The following SCFD2 variants were observed in gnomAD, a reference collection of about 807,000 sequenced individuals.
SCFD2 encodes sec1 family domain-containing protein 2.
Under a neutral mutation model 58.9 loss-of-function variants are expected in SCFD2, and 54 were observed. That is an observed-to-expected ratio of 0.92 (90% CI 0.74 to 1.15). The LOEUF (loss-of-function observed/expected upper bound fraction) is 1.15. Ranked by LOEUF, SCFD2 falls within the 50% of genes most tolerant of loss-of-function variation. The pLI is 0.00. For missense variants in SCFD2, 805 were observed against 836.6 expected, an observed-to-expected ratio of 0.96 and a Z score of 0.47; for synonymous variants, 321 against 335.9, an observed-to-expected ratio of 0.96 and a Z score of 0.49.
At chr4:53,209,977 C>G (rs2148979132) in intron 4 of SCFD2, among the ~76,000 whole-genome samples, 1 of 152,178 alleles carries the variant, frequency 6.6e-6, no homozygotes, top group Non-Finnish European at 1.5e-5. Flanking sequence ...CTATGATTCT[C>G]TCTTTTGAAG....
intron 5 of SCFD2, among the ~76,000 whole-genome samples, chr4:53,100,730 T>C (rs531007210): frequency 6.6e-6 from 1 of 152,332 alleles, no homozygotes; most frequent in African/African-American, 2.4e-5. Context: ...AAACTGAATT[T>C]CTGGCTTTAC....
chr4:53,278,533 A>T (rs1228661374), intron 3 of SCFD2, among the ~76,000 whole-genome samples: 5 of 152,000 alleles, frequency 3.3e-5, no homozygotes, highest in African/African-American at 1.2e-4. Context: ...CATCTCAAAA[A>T]AAAAAAAAAA....
chr4:53,285,056 A>C (rs1731623993), intron 3 of SCFD2, among the ~76,000 whole-genome samples: 1 of 152,246 alleles, frequency 6.6e-6, no homozygotes, highest in Non-Finnish European at 1.5e-5. Context: ...AAATTCAGAA[A>C]TCTGCTGAAA....
At chr4:53,219,166 G>T (rs1437037691) in intron 4 of SCFD2, among the ~76,000 whole-genome samples, 1 of 152,208 alleles carries the variant, frequency 6.6e-6, no homozygotes, top group African/African-American at 2.4e-5. Context: ...CTTCAAAGCT[G>T]TCAAACAGGG....
intron 4 of SCFD2, among the ~76,000 whole-genome samples, chr4:53,194,151 A>G (rs1727991603): frequency 6.6e-6 from 1 of 152,152 alleles, no homozygotes; most frequent in African/African-American, 2.4e-5. Flanking sequence ...TGGTTTCTCT[A>G]TTGATTACCT....
At chr4:52,972,831 T>G (rs747465093) in intron 5 of SCFD2, among the ~76,000 whole-genome samples, 2 of 152,198 alleles carry the variant, frequency 1.3e-5, no homozygotes, top group Non-Finnish European at 2.9e-5. Context: ...GAGACCACAG[T>G]GCAATCAAAC....
At chr4:53,105,518 T>C (rs1397101395) in intron 5 of SCFD2, among the ~76,000 whole-genome samples, 14 of 152,236 alleles carry the variant, frequency 9.2e-5, no homozygotes, top group African/African-American at 2.4e-4. Context: ...TGTTTACCAT[T>C]TCTGACACTT....
intron 4 of SCFD2, among the ~76,000 whole-genome samples, chr4:53,185,497 G>C (rs1381700434): frequency 6.6e-6 from 1 of 152,012 alleles, no homozygotes; most frequent in Non-Finnish European, 1.5e-5. Context: ...CAAGCTTCCT[G>C]CTTCCTAGTC....
At chr4:53,193,649 G>A (rs1223730687) in intron 4 of SCFD2, among the ~76,000 whole-genome samples, 2 of 152,156 alleles carry the variant, frequency 1.3e-5, no homozygotes, top group African/African-American at 4.8e-5. Flanking sequence ...GCCAAGAGCA[G>A]TTACTTATAT....
intron 5 of SCFD2, among the ~76,000 whole-genome samples, chr4:52,951,415 G>C (rs980529814): frequency 6.6e-6 from 1 of 151,506 alleles, no homozygotes; most frequent in Non-Finnish European, 1.5e-5. Context: ...ACAGAAGAAG[G>C]CTTGTTAACC....
Position 53,352,597 on chromosome 4 carries a change from C to A in SCFD2, c.1007+1G>T. 6.2e-7 allele frequency: 1 copy of A among 1,610,814 alleles called. No homozygotes were observed. Among genetic ancestry groups the A allele is most frequent in the Non-Finnish European group, 8.5e-7 (1 of 1,177,390 alleles). ...AAGATGACAAAAACTATATATCTTA[C>A]CTGGATTGTGAAAGACAGCCTGGTG... On this transcript the variant is annotated splice_donor_variant, in intron 2 of 8. Coordinates refer to ENST00000401642, the MANE Select transcript of SCFD2 (RefSeq NM_152540.4). LOFTEE classifies it high-confidence loss of function.
chr4:53,132,610 AATGAGTGTTCCCCCTAC>A (rs1725816040), intron 5 of SCFD2, among the ~76,000 whole-genome samples: 1 of 152,182 alleles, frequency 6.6e-6, no homozygotes, highest in Non-Finnish European at 1.5e-5. Flanking sequence ...TCCTTTCTGA[AATGAGTGTTCCCCCTAC>A]ACCCTGAAGT....
At chr4:53,111,590 C>T (rs985446366) in intron 5 of SCFD2, among the ~76,000 whole-genome samples, 1 of 152,100 alleles carries the variant, frequency 6.6e-6, no homozygotes, top group African/African-American at 2.4e-5. Context: ...AACAAAGTCT[C>T]TGGACGTATA....
chr4:53,214,846 G>T (rs568173536), intron 4 of SCFD2, among the ~76,000 whole-genome samples: 1 of 152,224 alleles, frequency 6.6e-6, no homozygotes, highest in East Asian at 1.9e-4. Flanking sequence ...GTAAGGAAGG[G>T]ATCCAGTTTC....
intron 4 of SCFD2, among the ~76,000 whole-genome samples, chr4:53,202,634 G>T (rs1005224075): frequency 1.3e-5 from 2 of 152,130 alleles, no homozygotes; most frequent in Admixed American, 6.6e-5. Context: ...CCATTTTCAC[G>T]ATATTGATTC....
At chr4:53,292,396 T>C (rs548975750) in intron 3 of SCFD2, among the ~76,000 whole-genome samples, 18 of 152,090 alleles carry the variant, frequency 1.2e-4, no homozygotes, top group Middle Eastern at 6.8e-3. Context: ...GTGAAACACA[T>C]GAACAGACAT....
At chr4:52,922,526 T>G (rs563395939) in intron 5 of SCFD2, among the ~76,000 whole-genome samples, 9 of 152,232 alleles carry the variant, frequency 5.9e-5, no homozygotes, top group African/African-American at 2.2e-4. Context: ...ACTTCATTTC[T>G]TATTGCTTAC....
At chr4:53,226,031 G>A (rs1433118413) in intron 4 of SCFD2, among the ~76,000 whole-genome samples, 1 of 152,054 alleles carries the variant, frequency 6.6e-6, no homozygotes, top group Non-Finnish European at 1.5e-5. Context: ...CAACCTCCAA[G>A]CCTCAAGAGA....
At chr4:53,333,983 A>C (rs1368876745) in intron 2 of SCFD2, among the ~76,000 whole-genome samples, 1 of 150,684 alleles carries the variant, frequency 6.6e-6, no homozygotes, top group Non-Finnish European at 1.5e-5. Context: ...TTATGCAGCC[A>C]AAAAACACAT....
Sources: gnomAD v4.1 joint callset for allele counts (sites outside exome capture counted in the v4.1 genomes callset) on GRCh38, gnomAD v4.1.1 for gene constraint, MANE v1.5 for transcripts, NCBI Gene and HGNC (gene_info 2026-07-23, HGNC 2026-07-21) for gene names.